The following SAMMSON variants were observed in gnomAD, a reference collection of about 807,000 sequenced individuals.
SAMMSON encodes the protein survival associated mitochondrial melanoma specific oncogenic non-coding RNA.
chr3:70,177,124 A>G (rs1408147519), intron 4 of SAMMSON, among the ~76,000 whole-genome samples: 1 of 152,222 alleles, frequency 6.6e-6, no homozygotes, highest in Non-Finnish European at 1.5e-5. Context: ...GAATATATAT[A>G]CATCTATTTG....
At chr3:70,254,438 A>G (rs558866574) in intron 6 of SAMMSON, among the ~76,000 whole-genome samples, 1 of 152,308 alleles carries the variant, frequency 6.6e-6, no homozygotes, top group Non-Finnish European at 1.5e-5. Context: ...AACATGATCC[A>G]TTTTAGACAC....
chr3:70,238,228 G>T (rs1486723753), intron 4 of SAMMSON, among the ~76,000 whole-genome samples: 1 of 151,654 alleles, frequency 6.6e-6, no homozygotes, highest in African/African-American at 2.4e-5. Context: ...TTAGCATACT[G>T]GGAGTAACAG....
At chr3:70,166,572 C>G (rs2067638138) in intron 4 of SAMMSON, among the ~76,000 whole-genome samples, 2 of 151,980 alleles carry the variant, frequency 1.3e-5, no homozygotes, top group Admixed American at 6.6e-5. Context: ...CTAGAAGCCA[C>G]TGACCTTCAG....
intron 4 of SAMMSON, among the ~76,000 whole-genome samples, chr3:70,206,346 C>T (rs1559534778): frequency 6.6e-6 from 1 of 152,056 alleles, no homozygotes; most frequent in Non-Finnish European, 1.5e-5. Context: ...CTATTTAAAA[C>T]ATGTTGCCTC....
At chr3:70,024,437 G>C (rs1051089161) in intron 3 of SAMMSON, among the ~76,000 whole-genome samples, 1 of 152,104 alleles carries the variant, frequency 6.6e-6, no homozygotes, top group Non-Finnish European at 1.5e-5. Flanking sequence ...AATAAAATTA[G>C]CTGATATTTG....
chr3:70,066,017 T>C (rs2067209502), intron 3 of SAMMSON, among the ~76,000 whole-genome samples: 2 of 152,128 alleles, frequency 1.3e-5, no homozygotes, highest in Non-Finnish European at 2.9e-5. Flanking sequence ...GTAACCAAAA[T>C]TGATCAATTA....
At chr3:70,036,811 A>C (rs1471440855) in intron 3 of SAMMSON, among the ~76,000 whole-genome samples, 1 of 152,180 alleles carries the variant, frequency 6.6e-6, no homozygotes, top group East Asian at 1.9e-4. Flanking sequence ...TGCTTGCTCT[A>C]TATTAAAAAA....
intron 7 of SAMMSON, among the ~76,000 whole-genome samples, chr3:70,323,813 G>A (rs1368521614): frequency 6.6e-6 from 1 of 152,110 alleles, no homozygotes; most frequent in Non-Finnish European, 1.5e-5. Flanking sequence ...TCCTCCTGGA[G>A]TCTGCTTCAG....
At chr3:70,234,218 T>TA (rs2106747099) in intron 4 of SAMMSON, among the ~76,000 whole-genome samples, 1 of 152,328 alleles carries the variant, frequency 6.6e-6, no homozygotes, top group South Asian at 2.1e-4. Flanking sequence ...TCTAGACACT[T>TA]AGAGGGCTGG....
intron 2 of SAMMSON, among the ~76,000 whole-genome samples, chr3:70,402,871 C>G (rs1701151628): frequency 6.6e-6 from 1 of 151,860 alleles, no homozygotes; most frequent in Non-Finnish European, 1.5e-5. Flanking sequence ...CAAAAAATTA[C>G]AAAATACATA....
At chr3:70,336,787 T>G (rs1440512849) in intron 7 of SAMMSON, among the ~76,000 whole-genome samples, 1 of 150,110 alleles carries the variant, frequency 6.7e-6, no homozygotes, top group African/African-American at 2.4e-5. Flanking sequence ...TTCCTTTTTG[T>G]TAGAAGAGTT....
In SAMMSON at chr3:70,009,614, A is replaced by G. The variant is rs558664354; in HGVS notation, n.23-2743A>G. Among the ~76,000 whole-genome samples, 4 of 151,368 alleles carry G rather than the reference A, an allele frequency of 2.6e-5. No individual in the cohort carries two copies. In the East Asian group the frequency reaches 5.8e-4, roughly 22 times the overall value. On this transcript the variant is annotated intron_variant and non_coding_transcript_variant, in intron 1 of 9. Coordinates refer to ENST00000642114, the Ensembl canonical transcript of SAMMSON. ...CTCCTGGATTCATTGATTTTTTTGA[A>G]GGGTTTTTTGTGTCTCTATTCCCTT...
intron 4 of SAMMSON, among the ~76,000 whole-genome samples, chr3:70,239,991 C>G (rs1034674305): frequency 6.6e-6 from 1 of 151,694 alleles, no homozygotes; most frequent in Non-Finnish European, 1.5e-5. Flanking sequence ...AAGAAAATAC[C>G]TAATATTCTA....
chr3:70,391,879 T>C (rs928303352), downstream of SAMMSON, among the ~76,000 whole-genome samples: 2 of 152,158 alleles, frequency 1.3e-5, no homozygotes, highest in African/African-American at 2.4e-5. Flanking sequence ...AATAAAGATG[T>C]CTTCTCACTT....
chr3:70,039,592 TTCACACACACAC>T (rs999530722), intron 3 of SAMMSON, among the ~76,000 whole-genome samples: 2 of 90,078 alleles, frequency 2.2e-5, no homozygotes, highest in African/African-American at 8.5e-5. Context: ...AACACATCTC[TTCACACACACAC>T]ACACACACAC....
At chr3:70,275,219 A>T (rs1702012005) in intron 6 of SAMMSON, among the ~76,000 whole-genome samples, 1 of 152,218 alleles carries the variant, frequency 6.6e-6, no homozygotes, top group Non-Finnish European at 1.5e-5. Flanking sequence ...AGCATTCATG[A>T]TGATTAAGAA....
At chr3:70,033,922 C>A (rs1210845032) in intron 3 of SAMMSON, among the ~76,000 whole-genome samples, 1 of 152,050 alleles carries the variant, frequency 6.6e-6, no homozygotes, top group Non-Finnish European at 1.5e-5. Context: ...GAGAATTGGG[C>A]ACGCAAAATC....
chr3:70,163,091 C>T (rs1250620358), intron 4 of SAMMSON, among the ~76,000 whole-genome samples: 2 of 151,096 alleles, frequency 1.3e-5, no homozygotes, highest in African/African-American at 4.8e-5. Flanking sequence ...TTTTCATTAT[C>T]TAGTCTGACA....
chr3:70,307,194 T>C (rs1186260890), intron 7 of SAMMSON, among the ~76,000 whole-genome samples: 1 of 152,064 alleles, frequency 6.6e-6, no homozygotes, highest in Non-Finnish European at 1.5e-5. Flanking sequence ...ATTGTTGTTG[T>C]TTTGGTGGTG....
Sources: gnomAD v4.1 joint callset for allele counts (sites outside exome capture counted in the v4.1 genomes callset) on GRCh38, gnomAD v4.1.1 for gene constraint, MANE v1.5 for transcripts, NCBI Gene and HGNC (gene_info 2026-07-23, HGNC 2026-07-21) for gene names.